Variants in ZNF385D observed in about 807,000 individuals in gnomAD.
ZNF385D encodes zinc finger protein 385D, also known as zinc finger protein 659.
A neutral mutation model predicts 35.8 loss-of-function variants in ZNF385D; 15 were observed. The ratio of observed to expected loss-of-function variants is 0.42; its 90% CI spans 0.28 to 0.64. ZNF385D has a LOEUF of 0.64. ZNF385D is among the 30% of genes least tolerant of loss of function. ZNF385D has a pLI of 0.23. For synonymous variants in ZNF385D, 212 were observed against 186.8 expected, an observed-to-expected ratio of 1.13 and a Z score of -1.10; for missense variants, 474 against 494.6, an observed-to-expected ratio of 0.96 and a Z score of 0.39.
intron 3 of ZNF385D, among the ~76,000 whole-genome samples, chr3:21,818,801 A>G (rs115284129): frequency 0.018 from 2,748 of 152,050 alleles, 82 homozygotes; most frequent in African/African-American, 0.061. Flanking sequence ...ATATATTTTA[A>G]ATTTTCCTAT....
At chr3:22,006,600 T>G (rs1405863776) in intron 3 of ZNF385D, among the ~76,000 whole-genome samples, 1 of 151,944 alleles carries the variant, frequency 6.6e-6, no homozygotes, top group East Asian at 1.9e-4. Context: ...ATCAAAAAGT[T>G]CATTACAGAA....
chr3:21,840,218 A>C (rs1056308915), intron 3 of ZNF385D, among the ~76,000 whole-genome samples: 3 of 152,072 alleles, frequency 2.0e-5, no homozygotes, highest in Non-Finnish European at 4.4e-5. Context: ...GTAGTATGTA[A>C]GTATTACACA....
At chr3:21,444,781 C>T (rs4858002) in intron 4 of ZNF385D, among the ~76,000 whole-genome samples, 50,393 of 152,014 alleles carry the variant, frequency 0.33, 10,266 homozygotes, top group African/African-American at 0.57. Context: ...TGTGAGAATG[C>T]TTTTATTTTG....
rs550339554 is a variant in ZNF385D, at chr3:22,186,599, T to G, written c.107-17564A>C. Among the ~76,000 whole-genome samples, 5 of 152,164 alleles carry G rather than the reference T, an allele frequency of 3.3e-5. No individual in the cohort carries two copies. In the South Asian group the frequency reaches 1.0e-3, roughly 32 times the overall value. Reference sequence around the variant, plus strand: ...GCAACCTTCTGATTTTGATCTGACTTTCCTTGTAAGTCTGTATACAAGGGG... The same window carrying G: ...GCAACCTTCTGATTTTGATCTGACTGTCCTTGTAAGTCTGTATACAAGGGG... On this transcript the variant is annotated intron_variant, in intron 2 of 5. Transcript: ENST00000494108.
chr3:22,283,276 A>C (rs967621283), intron 2 of ZNF385D, among the ~76,000 whole-genome samples: 1 of 152,146 alleles, frequency 6.6e-6, no homozygotes, highest in Non-Finnish European at 1.5e-5. Flanking sequence ...CAGGTCATCA[A>C]GATAGAAAGT....
intron 1 of ZNF385D, among the ~76,000 whole-genome samples, chr3:21,693,303 A>C (rs1486487999): frequency 1.3e-5 from 2 of 152,200 alleles, no homozygotes; most frequent in Admixed American, 6.5e-5. Flanking sequence ...ACTATTGTCC[A>C]CAGCAACGCA....
At chr3:21,811,977 T>C (rs12485837) in intron 3 of ZNF385D, among the ~76,000 whole-genome samples, 14,166 of 152,182 alleles carry the variant, frequency 0.093, 773 homozygotes, top group Middle Eastern at 0.13. Flanking sequence ...AGAAAGTATA[T>C]AGAACCACCT....
At chr3:22,226,286 C>T (rs1034267005) in intron 2 of ZNF385D, among the ~76,000 whole-genome samples, 1 of 152,022 alleles carries the variant, frequency 6.6e-6, no homozygotes, top group Admixed American at 6.6e-5. Flanking sequence ...CAGAGATAAA[C>T]GCACTTGGAT....
intron 3 of ZNF385D, among the ~76,000 whole-genome samples, chr3:21,916,623 C>G (rs571755162): frequency 6.6e-6 from 1 of 152,272 alleles, no homozygotes; most frequent in East Asian, 1.9e-4. Flanking sequence ...TGCTTTGTAA[C>G]TGTATTTTTA....
At chr3:21,993,281 T>G (rs1559829100) in intron 3 of ZNF385D, among the ~76,000 whole-genome samples, 1 of 152,286 alleles carries the variant, frequency 6.6e-6, no homozygotes, top group South Asian at 2.1e-4. Flanking sequence ...CAAGTTTAAT[T>G]GTAACACTAT....
chr3:22,217,169 G>A (rs1697941485), intron 2 of ZNF385D, among the ~76,000 whole-genome samples: 1 of 152,122 alleles, frequency 6.6e-6, no homozygotes, highest in Non-Finnish European at 1.5e-5. Flanking sequence ...TTCTGCAAGA[G>A]AATATACTCT....
rs972219996 is a variant in ZNF385D at position 22,284,837 on chromosome 3, G to A, written c.106+87613C>T. 4.6e-5 allele frequency among the ~76,000 whole-genome samples: 7 copies of A among 152,166 alleles called. No homozygotes were observed. In the East Asian group the frequency reaches 1.4e-3, roughly 29 times the overall value. On this transcript the variant is annotated intron_variant, in intron 2 of 5. Coordinates refer to the ZNF385D transcript ENST00000494108. ...GTATAAATTTGGTATACCTAAAAAA[G>A]AAAATCCTTTCTGAGGAAGTCTATT...
chr3:22,185,045 C>A (rs756844496), intron 2 of ZNF385D, among the ~76,000 whole-genome samples: 1 of 151,964 alleles, frequency 6.6e-6, no homozygotes, highest in African/African-American at 2.4e-5. Flanking sequence ...TCAGGAGATA[C>A]CTTGCTGTAC....
At chr3:21,451,461 G>A (rs578167990) in intron 4 of ZNF385D, among the ~76,000 whole-genome samples, 1 of 150,424 alleles carries the variant, frequency 6.6e-6, no homozygotes, top group Non-Finnish European at 1.5e-5. Context: ...CTACTTTTAT[G>A]TCTCATTATT....
chr3:22,117,858 C>A (rs1188370141), intron 3 of ZNF385D, among the ~76,000 whole-genome samples: 2 of 151,968 alleles, frequency 1.3e-5, no homozygotes, highest in African/African-American at 4.8e-5. Context: ...ATAATCGTAA[C>A]AATCATTTAA....
chr3:22,159,381 T>A (rs185949253), intron 3 of ZNF385D, among the ~76,000 whole-genome samples: 2 of 152,186 alleles, frequency 1.3e-5, no homozygotes, highest in Admixed American at 6.6e-5. Context: ...ACAATGGTCA[T>A]GAAAAACTAG....
chr3:21,448,049 A>G (rs382006), intron 4 of ZNF385D, among the ~76,000 whole-genome samples: 100,395 of 152,010 alleles, frequency 0.66, 33,439 homozygotes, highest in African/African-American at 0.72. Context: ...CAGTGTTAGT[A>G]TTTCATAGAT....
At chr3:21,494,941 A>T (rs573251894) in intron 4 of ZNF385D, among the ~76,000 whole-genome samples, 1 of 152,164 alleles carries the variant, frequency 6.6e-6, no homozygotes, top group Non-Finnish European at 1.5e-5. Flanking sequence ...ATAGGAAAAG[A>T]TTATTTCAGT....
chr3:21,937,710 G>C (rs1306706045), intron 3 of ZNF385D, among the ~76,000 whole-genome samples: 1 of 152,022 alleles, frequency 6.6e-6, no homozygotes, highest in Non-Finnish European at 1.5e-5. Context: ...ACAGCTTGAT[G>C]TGAACAAGAA....
Sources: gnomAD v4.1 joint callset for allele counts (sites outside exome capture counted in the v4.1 genomes callset) on GRCh38, gnomAD v4.1.1 for gene constraint, MANE v1.5 for transcripts, NCBI Gene and HGNC (gene_info 2026-07-23, HGNC 2026-07-21) for gene names.